TNS2: variants seen among roughly 807,000 people sequenced by gnomAD.
TNS2 encodes the protein tensin 2, also known as tensin-2.
A neutral mutation model predicts 155.7 loss-of-function variants in TNS2; 77 were observed. The observed-to-expected ratio is 0.49, with a 90% CI of 0.41 to 0.60. TNS2 has a LOEUF of 0.60. Ranked by LOEUF, TNS2 falls within the 20% of genes least tolerant of loss-of-function variation. The probability of loss-of-function intolerance (pLI) is 0.00; values close to 1 mark genes in which losing one functional copy is unlikely to be tolerated. For missense variants in TNS2, 1,703 were observed against 1,868.8 expected, an observed-to-expected ratio of 0.91 and a Z score of 1.64; for synonymous variants, 726 against 763.9, an observed-to-expected ratio of 0.95 and a Z score of 0.82.
chr12:53,060,879 T>G lies in TNS2; in HGVS notation c.2973T>G (p.Ser991Arg). ...CCAGTGACTGGCCTCAGGAAAGGAG[T>G]CCAGGGGGCCACTCAGATGGCGCCA... ...SSPSDWPQER[S>R]PGGHSDGASP... Residue 991 changes from serine to arginine, a missense_variant, in exon 20 of 29, where the codon AGT (serine) becomes AGG (arginine). Physicochemically the swap from Ser to Arg is moderately radical, Grantham distance 110. Coordinates refer to ENST00000314250, the MANE Select transcript of TNS2 (RefSeq NM_170754.4). The surrounding 1 kb of genome is among the most constrained non-coding windows in gnomAD (Gnocchi z 6.1). 3 of 1,591,108 alleles carry G rather than the reference T, an allele frequency of 1.9e-6. No individual in the cohort carries two copies. The highest frequency in any genetic ancestry group is 2.6e-6 in the Non-Finnish European group (3 of 1,166,432).
chr12:53,058,944 C>T (rs984337044), intron 17 of TNS2, 103 bp from the exon 18 acceptor site: 6 of 1,551,670 alleles, frequency 3.9e-6, no homozygotes, highest in Non-Finnish European at 5.2e-6. Flanking sequence ...GAGAGACACC[C>T]CCGGCCCGAC....
rs1397465385 is a variant in TNS2, at chr12:53,060,723, A to G, written c.2817A>G (p.Arg939=). ...TRSPTSAPTQ[R]LSPGEALPPV... is the part of the protein sequence containing the mutation. ...CCCCCACCTCAGCGCCCACTCAGAG[A>G]CTGAGTCCTGGCGAGGCCTTGCCCC... The change falls in exon 20 of 29, where the codon AGA becomes AGG. Residue 939 remains arginine (R), a synonymous_variant. Transcript: ENST00000314250. This position sits in a 1 kb window ranked among gnomAD's most constrained non-coding sequence, Gnocchi z 6.1. 3.1e-6 allele frequency: 5 copies of G among 1,602,372 alleles called. No individual in the cohort carries two copies. The highest frequency in any genetic ancestry group is 4.3e-6 in the Non-Finnish European group (5 of 1,172,704).
chr12:53,054,061 GC>G, intron 6 of TNS2, 47 bp downstream of exon 6: 1 of 1,612,482 alleles, frequency 6.2e-7, no homozygotes, highest in South Asian at 1.1e-5. Context: ...CTTTCCGCCG[GC>G]CCCACACCTC....
At position 53,059,095 on chromosome 12, in the gene TNS2, A is replaced by G; in HGVS notation, c.1454A>G (p.Gln485Arg). The G allele has an allele frequency of 1.9e-6, 3 of 1,546,190 alleles. No individual in the cohort carries two copies. The highest frequency in any genetic ancestry group is 2.6e-6 in the Non-Finnish European group (3 of 1,152,180). The change falls in exon 18 of 29, where the codon CAG becomes CGG. Residue 485 changes from glutamine (Q) to arginine (R), a missense_variant. Transcript: ENST00000314250. The surrounding 1 kb of genome is among the most constrained non-coding windows in gnomAD (Gnocchi z 4.7). ...RGPLDGSPYA[Q>R]VQRPPRQTPP... is the part of the protein sequence containing the mutation. ...CCCCTGGATGGCAGTCCTTATGCCC[A>G]GGTGCAGCGGCCTCCCCGGCAGACC...
intron 2 of TNS2, 86 bp downstream of exon 2, chr12:53,052,049 C>A: frequency 1.8e-6 from 2 of 1,135,194 alleles, no homozygotes; most frequent in Non-Finnish European, 2.6e-6. Context: ...CACACAATCT[C>A]AAATGTAATA....
At chr12:53,049,986 C>A (rs1049204237), upstream of TNS2, 4 of 1,364,184 alleles carry the variant, frequency 2.9e-6, no homozygotes, top group East Asian at 2.6e-5. Context: ...CCCCCCTCCA[C>A]TTCCTGGAGC....
At position 53,063,467 on chromosome 12, in the gene TNS2, G is replaced by T. The variant is rs1450829644; in HGVS notation, c.4061+50G>T. ...CCCCAAATCCCCATGGTCCCACCAG[G>T]TCCCAGCTCCCAGCCCCAGCCCCAG... On this transcript the variant is annotated intron_variant, in intron 27 of 28. Transcript: ENST00000314250. This position sits in a 1 kb window ranked among gnomAD's most constrained non-coding sequence, Gnocchi z 5.6. 6 of 1,612,476 alleles carry T rather than the reference G, an allele frequency of 3.7e-6. No individual in the cohort carries two copies. The highest frequency in any genetic ancestry group is 5.1e-6 in the Non-Finnish European group (6 of 1,179,924).
At chr12:53,047,381 G>A (rs1397564478), upstream of TNS2, among the ~76,000 whole-genome samples, 1 of 145,776 alleles carries the variant, frequency 6.9e-6, no homozygotes, top group Non-Finnish European at 1.5e-5. Context: ...CAGGTGAGTG[G>A]CCGCGCCGCG....
chr12:53,052,105 T>C, intron 2 of TNS2, 142 bp downstream of exon 2: 1 of 715,472 alleles, frequency 1.4e-6, no homozygotes, highest in East Asian at 2.8e-5. Context: ...AGCAGCTGCC[T>C]CCCCCTTCAG....
chr12:53,054,538 C>T, intron 7 of TNS2, 97 bp downstream of exon 7: 2 of 1,364,202 alleles, frequency 1.5e-6, no homozygotes, highest in Non-Finnish European at 1.9e-6. Flanking sequence ...GGCGAGGCCG[C>T]CAGGGGGCGG....
upstream of TNS2, chr12:53,050,020 G>T: frequency 6.9e-7 from 1 of 1,442,664 alleles, no homozygotes. This position sits in a 1 kb window ranked among gnomAD's most constrained non-coding sequence, Gnocchi z 4.7. Flanking sequence ...CTTCCCGCCT[G>T]CACTTCCCTC....
intron 4 of TNS2, 29 bp downstream of exon 4, chr12:53,053,478 G>A (rs774451501): frequency 1.2e-5 from 20 of 1,613,452 alleles, no homozygotes; most frequent in Admixed American, 3.3e-5. Context: ...GGGGTGGGGA[G>A]GGCAAGGAAC....
At position 53,063,658 on chromosome 12, in the gene TNS2, C is replaced by G; in HGVS notation, c.4091+66C>G. On this transcript the variant is annotated intron_variant, in intron 28 of 28. Coordinates refer to ENST00000314250, the MANE Select transcript of TNS2 (RefSeq NM_170754.4). The surrounding 1 kb of genome is among the most constrained non-coding windows in gnomAD (Gnocchi z 5.6). ...CCAGGGCGCTGCTGTCCTCTCAATG[C>G]TGGCATTTGATTTGTCTCACCAAGG... 1.2e-6 allele frequency: 2 copies of G among 1,614,174 alleles called. No homozygotes were observed. The highest frequency in any genetic ancestry group is 1.7e-5 in the Admixed American group (1 of 60,030).
At chr12:53,047,320 C>T (rs906880120), upstream of TNS2, among the ~76,000 whole-genome samples, 53 of 146,104 alleles carry the variant, frequency 3.6e-4, no homozygotes, top group Non-Finnish European at 3.7e-4. Flanking sequence ...CGGCGGCTCC[C>T]CCTGCTGCTG....
chr12:53,049,832 TC>T (rs1943858834), upstream of TNS2: 1 of 316,492 alleles, frequency 3.2e-6, no homozygotes, highest in Non-Finnish European at 6.0e-6. Context: ...AGACCATGGA[TC>T]CCTGCAGATC....
Position 53,057,465 on chromosome 12 carries a change from G to A in TNS2, c.846-102G>A, listed in dbSNP as rs561301230. On this transcript the variant is annotated intron_variant, in intron 11 of 28. Coordinates refer to ENST00000314250, the MANE Select transcript of TNS2 (RefSeq NM_170754.4). ...GTGACCCGGAAGATGGGAAGGAAGT[G>A]TTGAGCAGAAGAGCGAGCCTTCTAA... is the stretch of plus-strand genomic sequence containing the variant. 3.3e-6 allele frequency: 3 copies of A among 896,954 alleles called. No individual in the cohort carries two copies. The East Asian group carries it at 7.3e-5, about 22-fold the overall frequency. The allele number at this position is 896,954 out of a possible 1,614,324, so 55.6% of individuals were successfully genotyped here. A position where few individuals can be genotyped will look rare whatever the true frequency, so the allele number is the denominator to read the frequency against.
chr12:53,057,729 C>G (rs368240079), intron 12 of TNS2, 44 bp from the exon 13 acceptor site: 1 of 1,614,054 alleles, frequency 6.2e-7, no homozygotes, highest in Admixed American at 1.7e-5. Context: ...TTCAGGCCCT[C>G]TCCACTCAGC....
intron 1 of TNS2, among the ~76,000 whole-genome samples, 158 bp from the exon 2 acceptor site, chr12:53,051,697 G>A (rs750365062): frequency 4.6e-5 from 7 of 152,150 alleles, no homozygotes; most frequent in Admixed American, 1.3e-4. Context: ...CCCCATGACC[G>A]CCCTGAAGCA....
chr12:53,056,521 G>C (rs1944165344), intron 10 of TNS2: 1 of 154,992 alleles, frequency 6.5e-6, no homozygotes, highest in African/African-American at 2.4e-5. Flanking sequence ...GTGGTGGGCG[G>C]CAAGCCTTGG....
Sources: allele counts gnomAD v4.1 joint callset (sites outside exome capture counted in the v4.1 genomes callset), GRCh38; gene constraint gnomAD v4.1.1; non-coding constraint Gnocchi (gnomAD v3.1); transcripts MANE v1.5; gene names NCBI Gene and HGNC (gene_info 2026-07-23, HGNC 2026-07-21).